Variants in DNAH17 observed in about 807,000 individuals in gnomAD.
The protein encoded by DNAH17 is dynein axonemal heavy chain 17.
Under a neutral mutation model 485.6 loss-of-function variants are expected in DNAH17, and 376 were observed. The ratio of observed to expected loss-of-function variants is 0.77; its 90% CI spans 0.71 to 0.84. DNAH17 has a LOEUF of 0.84. DNAH17 is among the 40% of genes least tolerant of loss of function. DNAH17 has a pLI of 0.00. For synonymous variants in DNAH17, 3,031 were observed against 2,405.9 expected, an observed-to-expected ratio of 1.26 and a Z score of -7.60; for missense variants, 6,370 against 5,839.3, an observed-to-expected ratio of 1.09 and a Z score of -2.96.
In DNAH17 at chr17:78,475,625, C is replaced by T. The variant is rs370620581; in HGVS notation, c.8319+44G>A. On this transcript the variant is annotated intron_variant, in intron 53 of 80. Transcript: ENST00000389840. ...GATAATGCAACCGGAGAGGGTGACC[C>T]GGTCCAGGTCCCGTGCCCTTGCTAT... 358 of 1,608,726 alleles carry T rather than the reference C, an allele frequency of 2.2e-4. 5 individuals carry two copies. The African/African-American group carries it at 2.9e-3, about 13-fold the overall frequency.
rs1357851185 is a variant in DNAH17, at chr17:78,455,645, T to G, written c.10169A>C (p.Lys3390Thr). 2 of 1,546,824 alleles carry G rather than the reference T, an allele frequency of 1.3e-6. No homozygotes were observed. The highest frequency in any genetic ancestry group is 4.9e-5 in the East Asian group (2 of 40,502). Residue 3390 changes from lysine (K) to threonine (T), a missense_variant and splice_region_variant, in exon 63 of 81, where the codon AAG (lysine) becomes ACG (threonine). Coordinates refer to ENST00000389840, the MANE Select transcript of DNAH17 (RefSeq NM_173628.4). ...CCTGGCCAGGACTCCACTCCTTACC[T>G]TTAAGTTATGTATGTAAGGGATCCA... ...KFWIPYIHNL[K>T]VPIPITNGLD...
chr17:78,509,918 A>G (rs1249470739), intron 27 of DNAH17, among the ~76,000 whole-genome samples: 3 of 152,208 alleles, frequency 2.0e-5, no homozygotes, highest in Non-Finnish European at 4.4e-5. Context: ...GCAGTGGCTC[A>G]CGCCTGTAAT....
chr17:78,568,962 G>T (rs1206304620), intron 9 of DNAH17, among the ~76,000 whole-genome samples: 4 of 152,140 alleles, frequency 2.6e-5, no homozygotes, highest in African/African-American at 9.7e-5. Flanking sequence ...ACCCGAAGTG[G>T]GTCATTTTTA....
chr17:78,426,866 G>C, intron 78 of DNAH17, 60 bp downstream of exon 78: 1 of 1,549,978 alleles, frequency 6.5e-7, no homozygotes, highest in Non-Finnish European at 8.7e-7. Flanking sequence ...CCAGAGGCCT[G>C]GGTTTCTGCT....
chr17:78,465,063 G>T (rs2088350422), intron 56 of DNAH17, among the ~76,000 whole-genome samples: 1 of 152,142 alleles, frequency 6.6e-6, no homozygotes, highest in East Asian at 1.9e-4. Flanking sequence ...GACTCAGCCT[G>T]CCCAGTGCCT....
In DNAH17 at chr17:78,459,087, C is replaced by T; in HGVS notation, c.9775G>A (p.Ala3259Thr). The change falls in exon 61 of 81, where the codon GCG becomes ACG. Residue 3259 changes from alanine to threonine, a missense_variant. Transcript: ENST00000389840. ...TCCTCCAGTGCCTGCCTCTTGGGCG[C>T]CACGTCGCAGTAGACCTCGTAGAAG... The part of the protein sequence containing the change: ...VRFYEVYCDV[A>T]PKRQALEEAN... 1 of 1,614,036 alleles carries T rather than the reference C, an allele frequency of 6.2e-7. No individual in the cohort carries two copies. The highest frequency in any genetic ancestry group is 8.5e-7 in the Non-Finnish European group (1 of 1,179,904).
At position 78,433,963 on chromosome 17, in the gene DNAH17, AGGAGGGAGGGAAG is replaced by A. The variant is rs2086776716; in HGVS notation, c.12225+53_12225+65del. 8.0e-6 allele frequency: 10 copies of A among 1,254,284 alleles called. No homozygotes were observed. The South Asian group carries it at 1.6e-4, about 20-fold the overall frequency. 77.7% of individuals were successfully genotyped at this position (1,254,284 alleles called of 1,614,324 possible). On this transcript the variant is annotated intron_variant, in intron 75 of 80. Coordinates refer to ENST00000389840, the MANE Select transcript of DNAH17 (RefSeq NM_173628.4). ...AAGGAGGGAGGGAAGGAGGGAGGGA[AGGAGGGAGGGAAG>A]GAGGGAAAGAGGGAGGGATATGTCC...
chr17:78,507,143 C>A (rs1164889691), intron 29 of DNAH17, 135 bp downstream of exon 29: 1 of 1,018,012 alleles, frequency 9.8e-7, no homozygotes, highest in African/African-American at 1.6e-5. Flanking sequence ...CAGGGAAAGG[C>A]AATTGATTAA....
In DNAH17 at chr17:78,494,404, G is replaced by C. The variant is rs572563825; in HGVS notation, c.6270+189C>G. 6.6e-5 allele frequency among the ~76,000 whole-genome samples: 10 copies of C among 152,078 alleles called. No homozygotes were observed. The South Asian group carries it at 1.5e-3, about 22-fold the overall frequency. On this transcript the variant is annotated intron_variant, in intron 40 of 80. Coordinates refer to ENST00000389840, the MANE Select transcript of DNAH17 (RefSeq NM_173628.4). ...AGCCCCCCCAGCCTCAGTTGAGAGA[G>C]TGACCTCCCCCAGCACTGACAGGGT...
At chr17:78,564,153 G>A (rs550281508) in intron 11 of DNAH17, among the ~76,000 whole-genome samples, 23 of 152,060 alleles carry the variant, frequency 1.5e-4, no homozygotes, top group African/African-American at 4.3e-4. Flanking sequence ...TAGGGCTCCC[G>A]AGGGGTCACA....
chr17:78,437,916 C>A (rs770615221), intron 73 of DNAH17, 48 bp from the exon 74 acceptor site: 1 of 1,447,750 alleles, frequency 6.9e-7, no homozygotes, highest in South Asian at 1.2e-5. Context: ...CAGCTCCTGG[C>A]CCACGAGGAG....
intron 13 of DNAH17, among the ~76,000 whole-genome samples, chr17:78,559,617 C>CA: frequency 6.6e-6 from 1 of 152,228 alleles, no homozygotes; most frequent in Non-Finnish European, 1.5e-5. Flanking sequence ...CCTCCAGCCC[C>CA]AGCTCCGTTC....
rs55701739 is a variant in DNAH17 at position 78,554,436 on chromosome 17, C to CAAAAA, written c.2179-1636_2179-1632dup. ...TGGACAATAGAATGAGACTCTGTCT[C>CAAAAA]AAAAAAAAAAAAAAAAAAAAAAAAA... On this transcript the variant is annotated intron_variant, in intron 14 of 80. Transcript: ENST00000389840. Among the ~76,000 whole-genome samples, 249 of 32,258 alleles carry CAAAAA rather than the reference C, an allele frequency of 7.7e-3. 65 individuals carry two copies. The highest frequency in any genetic ancestry group is 9.8e-3 in the East Asian group (7 of 716). The allele number at this position is 32,258 out of a possible 152,430, so 21.2% of individuals were successfully genotyped here.
rs1469765736 is a variant in DNAH17, at chr17:78,441,281, CAGG to C, written c.11529-85_11529-83del. The C allele has an allele frequency of 3.3e-5, 50 of 1,505,720 alleles. No individual in the cohort carries two copies. In the Middle Eastern group the frequency reaches 1.5e-3, roughly 47 times the overall value. 93.3% of individuals were successfully genotyped at this position (1,505,720 alleles called of 1,614,324 possible). A position where few individuals can be genotyped will look rare whatever the true frequency, so the allele number is the denominator to read the frequency against. ...CGCTCGGGGTGGGCTGTGGCCCAGG[CAGG>C]GGGGCCATTTTTTGGTGGACTTTCT... On this transcript the variant is annotated intron_variant, in intron 71 of 80. Transcript: ENST00000389840.
intron 80 of DNAH17, 187 bp downstream of exon 80, chr17:78,425,159 T>A (rs1316313757): frequency 8.3e-6 from 5 of 600,542 alleles, no homozygotes; most frequent in Non-Finnish European, 1.5e-5. Context: ...ATTCCCTGAA[T>A]CCTCTCAACC....
intron 54 of DNAH17, among the ~76,000 whole-genome samples, chr17:78,470,397 AT>A (rs1184351142): frequency 6.6e-6 from 1 of 151,044 alleles, no homozygotes; most frequent in African/African-American, 2.4e-5. Flanking sequence ...AGAAAAAAAA[AT>A]TAAAAAACAG....
At chr17:78,470,104 C>T (rs1164284103) in intron 54 of DNAH17, among the ~76,000 whole-genome samples, 4 of 119,142 alleles carry the variant, frequency 3.4e-5, no homozygotes, top group South Asian at 2.7e-4. Context: ...GACAGTCTCT[C>T]ACTCTGTTGC....
intron 61 of DNAH17, 48 bp from the exon 62 acceptor site, chr17:78,458,728 C>G (rs200133792): frequency 6.6e-7 from 1 of 1,523,092 alleles, no homozygotes; most frequent in Non-Finnish European, 9.1e-7. Flanking sequence ...CGAGGCATCT[C>G]TAGCCCCCTG....
In DNAH17 at chr17:78,460,254, C is replaced by A. The variant is rs754934381; in HGVS notation, c.9343G>T (p.Val3115Phe). Residue 3115 changes from valine (V) to phenylalanine (F), a missense_variant, in exon 59 of 81, where the codon GTC (valine) becomes TTC (phenylalanine). Physicochemically the swap from Val to Phe is conservative, Grantham distance 50 (BLOSUM62 -1). Coordinates refer to ENST00000389840, the MANE Select transcript of DNAH17 (RefSeq NM_173628.4). Reference sequence around the variant, plus strand: ...TCACAGGCCTTTTGCTTCTCAGTGACGTTCTGGAAGGAAGATGGACAGGAG... The same window carrying A: ...TCACAGGCCTTTTGCTTCTCAGTGAAGTTCTGGAAGGAAGATGGACAGGAG... ...EVKVEVINKN[V>F]TEKQKACETD... 6.3e-7 allele frequency: 1 copy of A among 1,598,482 alleles called. No homozygotes were observed. Among genetic ancestry groups the A allele is most frequent in the Non-Finnish European group, 8.5e-7 (1 of 1,171,690 alleles).
Sources: allele counts gnomAD v4.1 joint callset (sites outside exome capture counted in the v4.1 genomes callset), GRCh38; gene constraint gnomAD v4.1.1; transcripts MANE v1.5; gene names NCBI Gene and HGNC (gene_info 2026-07-23, HGNC 2026-07-21).